The following TNS3 variants were observed in gnomAD, a reference collection of about 807,000 sequenced individuals.
The protein encoded by TNS3 is tensin 3, also known as tensin-3.
TNS3 carries 45 observed loss-of-function variants against 140.9 expected under a neutral mutation model. The ratio of observed to expected loss-of-function variants is 0.32; its 90% confidence interval spans 0.25 to 0.41. TNS3 has a LOEUF of 0.41. Ranked by LOEUF, TNS3 falls within the 10% of genes least tolerant of loss-of-function variation. The probability of loss-of-function intolerance (pLI) is 1.00; values close to 1 mark genes in which losing one functional copy is unlikely to be tolerated. For missense variants in TNS3, 1,716 were observed against 1,906.7 expected (o/e 0.90, Z 1.86); for synonymous variants, 815 against 788.4 (o/e 1.03, Z -0.56).
At chr7:47,581,941 GT>G (rs1322640433) in intron 1 of TNS3, 109 bp downstream of exon 1, 1 of 151,492 alleles carries the variant, frequency 6.6e-6, no homozygotes, top group Non-Finnish European at 1.5e-5. Context: ...CCAGATCTCT[GT>G]GCTCCCCAAG....
In TNS3 at chr7:47,355,827, G is replaced by A. The variant is rs188790500; in HGVS notation, c.2282-9471C>T. 1.3e-4 allele frequency among the ~76,000 whole-genome samples: 20 copies of A among 152,222 alleles called. No homozygotes were observed. The East Asian group carries it at 3.3e-3, about 25-fold the overall frequency. On this transcript the variant is annotated intron_variant, in intron 17 of 30. Coordinates refer to ENST00000311160, the MANE Select transcript of TNS3 (RefSeq NM_022748.12). ...TGGAGACTGATCTTTGCCAGCGCAC[G>A]GCCTGGCAGATCCCAGGCCCTGAGG...
At chr7:47,580,666 A>G (rs996486939) in intron 1 of TNS3, among the ~76,000 whole-genome samples, 3 of 146,268 alleles carry the variant, frequency 2.1e-5, no homozygotes, top group African/African-American at 7.7e-5. Context: ...ATACTTGTTG[A>G]TTGATTTGCA....
At chr7:47,500,532 C>T (rs531332596) in intron 3 of TNS3, among the ~76,000 whole-genome samples, 3 of 152,292 alleles carry the variant, frequency 2.0e-5, no homozygotes, top group Admixed American at 6.5e-5. Flanking sequence ...CTAAAGCACT[C>T]GGCAGGGTCC....
intron 23 of TNS3, among the ~76,000 whole-genome samples, chr7:47,297,556 C>T (rs543479460): frequency 6.6e-5 from 10 of 152,224 alleles, no homozygotes; most frequent in South Asian, 6.2e-4. Context: ...CCCACAATAC[C>T]TGTGATGTCC....
At chr7:47,377,552 ATATACTAAAC>A (rs1791472085) in intron 16 of TNS3, among the ~76,000 whole-genome samples, 1 of 152,170 alleles carries the variant, frequency 6.6e-6, no homozygotes, top group African/African-American at 2.4e-5. Flanking sequence ...TCAGACTACT[ATATACTAAAC>A]AGAGCAAATT....
At chr7:47,333,355 G>C (rs1039898905) in intron 20 of TNS3, among the ~76,000 whole-genome samples, 11 of 152,210 alleles carry the variant, frequency 7.2e-5, no homozygotes, top group African/African-American at 2.7e-4. Flanking sequence ...GCACCAGTGT[G>C]CATTCTTTGG....
At chr7:47,347,613 C>G (rs1789420903) in intron 17 of TNS3, among the ~76,000 whole-genome samples, 1 of 151,978 alleles carries the variant, frequency 6.6e-6, no homozygotes, top group Non-Finnish European at 1.5e-5. Context: ...TGTACACCAC[C>G]CTCCCTGTCC....
chr7:47,329,684 C>T (rs557462594), intron 20 of TNS3, among the ~76,000 whole-genome samples: 10 of 152,138 alleles, frequency 6.6e-5, no homozygotes, highest in Non-Finnish European at 8.8e-5. Context: ...GCAGGCTCAG[C>T]GGAAGCGGAT....
Position 47,275,866 on chromosome 7 carries a change from G to A in TNS3, c.*2210C>T, listed in dbSNP as rs560231247. On this transcript the variant is annotated 3_prime_UTR_variant, in exon 31 of 31. Coordinates refer to ENST00000311160, the MANE Select transcript of TNS3 (RefSeq NM_022748.12). ...GAGGCATGGCTTCATGAGGGCCATC[G>A]CGGGCACCCCGATGTCTCTGTGATT... is the stretch of plus-strand genomic sequence containing the variant. 3 of 455,916 alleles carry A rather than the reference G, an allele frequency of 6.6e-6. No homozygotes were observed. Among genetic ancestry groups the A allele is most frequent in the Non-Finnish European group, 8.8e-6 (2 of 226,804 alleles). The allele number at this position is 455,916 out of a possible 1,614,324, so 28.2% of individuals were successfully genotyped here.
chr7:47,577,865 T>C (rs1298211509), intron 1 of TNS3, among the ~76,000 whole-genome samples: 1 of 152,156 alleles, frequency 6.6e-6, no homozygotes, highest in East Asian at 1.9e-4. Context: ...GTCTCTCCCC[T>C]GAGGGGTGGC....
intron 16 of TNS3, among the ~76,000 whole-genome samples, chr7:47,374,773 G>T (rs564026575): frequency 6.6e-6 from 1 of 152,340 alleles, no homozygotes; most frequent in African/African-American, 2.4e-5. Flanking sequence ...TTGGAAAAGT[G>T]ATGTAGAAAG....
At chr7:47,438,084 A>T (rs1795279899) in intron 6 of TNS3, among the ~76,000 whole-genome samples, 1 of 151,798 alleles carries the variant, frequency 6.6e-6, no homozygotes, top group Non-Finnish European at 1.5e-5. Flanking sequence ...TTCCAGCAGC[A>T]AGGAGCCTTA....
chr7:47,567,849 G>A lies in TNS3; in HGVS notation c.-265+14202C>T, dbSNP rs1360335627. On this transcript the variant is annotated intron_variant, in intron 1 of 30. Transcript: ENST00000311160. ...ATGAACTGGAAGTCCTGCAACTGGT[G>A]AGTGGTTGAGTAAACTGTGGTACAT... Among the ~76,000 whole-genome samples, 4 of 152,182 alleles carry A rather than the reference G, an allele frequency of 2.6e-5. 1 individual carries two copies. Among genetic ancestry groups the A allele is most frequent in the Non-Finnish European group, 5.9e-5 (4 of 68,040 alleles).
intron 20 of TNS3, among the ~76,000 whole-genome samples, chr7:47,313,442 G>C (rs569153579): frequency 6.6e-6 from 1 of 152,226 alleles, no homozygotes; most frequent in East Asian, 1.9e-4. Flanking sequence ...CAGTTCCTAG[G>C]GTCTCATGCC....
At chr7:47,418,130 A>C (rs1333135063) in intron 10 of TNS3, among the ~76,000 whole-genome samples, 1 of 152,188 alleles carries the variant, frequency 6.6e-6, no homozygotes, top group East Asian at 1.9e-4. Context: ...CTCTACAAAA[A>C]ATTAATTAAT....
intron 20 of TNS3, among the ~76,000 whole-genome samples, chr7:47,341,386 T>C (rs1168764804): frequency 6.6e-6 from 1 of 152,260 alleles, no homozygotes; most frequent in Non-Finnish European, 1.5e-5. Flanking sequence ...TGGGAGATTA[T>C]AAATTACTAG....
chr7:47,385,649 CAA>C (rs1792031621), intron 16 of TNS3, among the ~76,000 whole-genome samples: 1 of 152,214 alleles, frequency 6.6e-6, no homozygotes, highest in Non-Finnish European at 1.5e-5. Context: ...TTATGATTAA[CAA>C]GAGAGCAATA....
intron 16 of TNS3, among the ~76,000 whole-genome samples, chr7:47,372,017 T>C (rs1223137438): frequency 6.6e-6 from 1 of 152,258 alleles, no homozygotes; most frequent in African/African-American, 2.4e-5. Context: ...ATCAATTTAA[T>C]TTGGTTTCTG....
chr7:47,292,865 G>A lies in TNS3; in HGVS notation c.3813C>T (p.Pro1271=). Residue 1271 remains proline (P), a synonymous_variant, in exon 26 of 31, where the codon CCC becomes CCT. Coordinates refer to ENST00000311160, the MANE Select transcript of TNS3 (RefSeq NM_022748.12). ...TALVCQHSIT[P]LALPCKLLIP... ...TAAGCAGCTTGCACGGCAAGGCCAA[G>A]GGCGTGATGGAATGCTGGCACACCA... The A allele has an allele frequency of 1.2e-6, 2 of 1,614,158 alleles. No homozygotes were observed. The highest frequency in any genetic ancestry group is 1.3e-5 in the African/African-American group (1 of 75,062).
Sources: allele counts gnomAD v4.1 joint callset (sites outside exome capture counted in the v4.1 genomes callset), GRCh38; gene constraint gnomAD v4.1.1; transcripts MANE v1.5; gene names NCBI Gene and HGNC (gene_info 2026-07-23, HGNC 2026-07-21).